The following CSRNP3 variants were observed in gnomAD, a reference collection of about 807,000 sequenced individuals.
CSRNP3 encodes cysteine/serine-rich nuclear protein 3.
CSRNP3 carries 12 observed loss-of-function variants against 48.0 expected under a neutral mutation model. The ratio of observed to expected loss-of-function variants is 0.25; its 90% CI spans 0.16 to 0.41. The LOEUF (loss-of-function observed/expected upper bound fraction) is 0.41, where lower values mean the gene tolerates loss of function less well. Among genes scored for constraint, CSRNP3 ranks in the 10% least tolerant of loss-of-function variants. The probability of loss-of-function intolerance (pLI) is 1.00; values close to 1 mark genes in which losing one functional copy is unlikely to be tolerated. For synonymous variants in CSRNP3, 263 were observed against 269.7 expected (o/e 0.98, Z 0.24); for missense variants, 580 against 724.4 (o/e 0.80, Z 2.29).
chr2:165,595,294 A>T, intron 4 of CSRNP3, 81 bp downstream of exon 4: 1 of 1,307,038 alleles, frequency 7.7e-7, no homozygotes, highest in South Asian at 1.4e-5. Flanking sequence ...TTTACCTTTC[A>T]TGCTAGCTAT....
chr2:165,676,291 T>G (rs746281067), intron 5 of CSRNP3, 21 bp from the exon 6 acceptor site: 16 of 1,606,476 alleles, frequency 1.0e-5, no homozygotes, highest in Non-Finnish European at 9.4e-6. Flanking sequence ...GAGTCTCTTA[T>G]TTGCTGCTTT....
At chr2:165,499,491 A>G (rs1003358986) in intron 2 of CSRNP3, among the ~76,000 whole-genome samples, 10 of 152,162 alleles carry the variant, frequency 6.6e-5, no homozygotes, top group Non-Finnish European at 1.0e-4. Flanking sequence ...TGGGAAGTGC[A>G]TGTTTGTATA....
chr2:165,507,040 C>A (rs542145550), intron 2 of CSRNP3, among the ~76,000 whole-genome samples: 5 of 151,968 alleles, frequency 3.3e-5, no homozygotes, highest in Admixed American at 2.0e-4. Context: ...AATATTTTTT[C>A]AAAACAACAC....
chr2:165,658,033 C>T lies in CSRNP3; in HGVS notation c.408+13C>T. 2 of 1,601,900 alleles carry T rather than the reference C, an allele frequency of 1.2e-6. No homozygotes were observed. Among genetic ancestry groups the T allele is most frequent in the East Asian group, 2.2e-5 (1 of 44,538 alleles). ...CTTAAAACTAAAGGTAAAAAACAAA[C>T]TCATTTTCTGCAAAGTCTCATATCC... On this transcript the variant is annotated intron_variant, in intron 5 of 6. Coordinates refer to ENST00000651982, the MANE Select transcript of CSRNP3 (RefSeq NM_001172173.2).
chr2:165,532,939 A>C (rs1160129194), intron 3 of CSRNP3, among the ~76,000 whole-genome samples: 1 of 152,200 alleles, frequency 6.6e-6, no homozygotes, highest in African/African-American at 2.4e-5. Flanking sequence ...GAGCCAAATC[A>C]TGAGTGAATT....
At chr2:165,538,069 T>C (rs1425784261) in intron 3 of CSRNP3, among the ~76,000 whole-genome samples, 1 of 151,872 alleles carries the variant, frequency 6.6e-6, no homozygotes, top group African/African-American at 2.4e-5. Context: ...TTTAGCATTA[T>C]TAGCAAGGAC....
At chr2:165,586,401 A>C (rs1049885545) in intron 3 of CSRNP3, among the ~76,000 whole-genome samples, 1 of 152,242 alleles carries the variant, frequency 6.6e-6, no homozygotes, top group Non-Finnish European at 1.5e-5. Context: ...AAGAGAACGA[A>C]TGAAGGTTGT....
intron 4 of CSRNP3, among the ~76,000 whole-genome samples, chr2:165,641,306 A>C (rs908288842): frequency 1.3e-5 from 2 of 152,176 alleles, no homozygotes; most frequent in African/African-American, 2.4e-5. Context: ...AGAGTTCTTT[A>C]CTGAAAGCTA....
Position 165,683,765 on chromosome 2 carries a change from C to T in CSRNP3, c.*4012C>T, listed in dbSNP as rs1687584080. 1.3e-5 allele frequency: 2 copies of T among 152,012 alleles called. No individual in the cohort carries two copies. Among genetic ancestry groups the T allele is most frequent in the African/African-American group, 4.8e-5 (2 of 41,414 alleles). The allele number at this position is 152,012 out of a possible 1,614,324, so 9.4% of individuals were successfully genotyped here. On this transcript the variant is annotated 3_prime_UTR_variant, in exon 7 of 7. Coordinates refer to ENST00000651982, the MANE Select transcript of CSRNP3 (RefSeq NM_001172173.2). ...TGAAGGGTGGCATGAAATAATCAAGCTTTCTCAAATCCTCTTAATATGTGA... is the reference window on the plus strand; with the variant it reads ...TGAAGGGTGGCATGAAATAATCAAGTTTTCTCAAATCCTCTTAATATGTGA...
chr2:165,578,904 A>T (rs905657230), intron 3 of CSRNP3, among the ~76,000 whole-genome samples: 1 of 152,164 alleles, frequency 6.6e-6, no homozygotes, highest in African/African-American at 2.4e-5. Context: ...CAAGCCATGT[A>T]GCCTTGACAT....
intron 6 of CSRNP3, among the ~76,000 whole-genome samples, chr2:165,678,393 G>A (rs978303385): frequency 6.6e-6 from 1 of 151,968 alleles, no homozygotes; most frequent in African/African-American, 2.4e-5. Context: ...AGAAGTGGAG[G>A]GAAGGGAAAG....
Position 165,652,781 on chromosome 2 carries a change from G to T in CSRNP3, c.149-4980G>T, listed in dbSNP as rs182601546. ...CTGGTCTCGAACTCCTGAGCTCAAGGGATCCACCTGCCTCAGCCTCCCAAA... is the reference window on the plus strand; with the variant it reads ...CTGGTCTCGAACTCCTGAGCTCAAGTGATCCACCTGCCTCAGCCTCCCAAA... On this transcript the variant is annotated intron_variant, in intron 4 of 6. Transcript: ENST00000651982. Among the ~76,000 whole-genome samples, 532 of 151,910 alleles carry T rather than the reference G, an allele frequency of 3.5e-3. 4 individuals carry two copies. Among genetic ancestry groups the T allele is most frequent in the African/African-American group, 0.012 (504 of 41,440 alleles).
intron 3 of CSRNP3, among the ~76,000 whole-genome samples, chr2:165,560,677 A>G (rs1262186904): frequency 6.6e-6 from 1 of 152,198 alleles, no homozygotes; most frequent in Non-Finnish European, 1.5e-5. Context: ...AGTTATTCAA[A>G]TCATTCTGTT....
At chr2:165,530,533 T>C (rs1423219041) in intron 3 of CSRNP3, among the ~76,000 whole-genome samples, 7 of 152,102 alleles carry the variant, frequency 4.6e-5, no homozygotes, top group African/African-American at 1.7e-4. Context: ...GTTTTCAGGG[T>C]AGAGTTGAAT....
chr2:165,574,533 G>T, intron 3 of CSRNP3: 1 of 682,546 alleles, frequency 1.5e-6, no homozygotes, highest in East Asian at 3.1e-5. Flanking sequence ...GGTGTTCCTG[G>T]TTTTCAGGAT....
intron 3 of CSRNP3, among the ~76,000 whole-genome samples, chr2:165,586,727 A>T (rs1157017298): frequency 6.6e-6 from 1 of 152,236 alleles, no homozygotes; most frequent in Non-Finnish European, 1.5e-5. Context: ...CTAGATGAAT[A>T]TCAGTGGGAT....
chr2:165,478,350 C>G (rs892263472), intron 1 of CSRNP3, among the ~76,000 whole-genome samples: 1 of 152,166 alleles, frequency 6.6e-6, no homozygotes, highest in Non-Finnish European at 1.5e-5. Flanking sequence ...CATTCTTCAT[C>G]AGAGTAATAT....
chr2:165,584,251 G>A (rs1016728742), intron 3 of CSRNP3, among the ~76,000 whole-genome samples: 2 of 152,100 alleles, frequency 1.3e-5, no homozygotes, highest in African/African-American at 2.4e-5. Flanking sequence ...AACACCTAGA[G>A]GCTACGAATA....
At chr2:165,599,313 G>GAA (rs1685868155) in intron 4 of CSRNP3, among the ~76,000 whole-genome samples, 1 of 141,550 alleles carries the variant, frequency 7.1e-6, no homozygotes, top group East Asian at 2.2e-4. Context: ...AAGAAAGAAA[G>GAA]AAAGAAAGAA....
Sources: allele counts gnomAD v4.1 joint callset (sites outside exome capture counted in the v4.1 genomes callset), GRCh38; gene constraint gnomAD v4.1.1; transcripts MANE v1.5; gene names NCBI Gene and HGNC (gene_info 2026-07-23, HGNC 2026-07-21).